Variants in SEC24B observed in about 807,000 individuals in gnomAD.
SEC24B encodes SEC24 homolog B, COPII component, also known as protein transport protein Sec24B.
In SEC24B, 45 loss-of-function variants were observed where a neutral mutation model predicts 142.8. The ratio of observed to expected loss-of-function variants is 0.32; its 90% CI spans 0.25 to 0.40. SEC24B has a LOEUF of 0.40. Among genes scored for constraint, SEC24B ranks in the 10% least tolerant of loss-of-function variants. The pLI is 1.00. For synonymous variants in SEC24B, 574 were observed against 568.2 expected, an observed-to-expected ratio of 1.01 and a Z score of -0.15; for missense variants, 1,409 against 1,526.8, an observed-to-expected ratio of 0.92 and a Z score of 1.29.
chr4:109,501,114 G>A (rs1736090221), intron 6 of SEC24B, among the ~76,000 whole-genome samples: 2 of 152,170 alleles, frequency 1.3e-5, no homozygotes, highest in African/African-American at 4.8e-5. Context: ...CATACTAGGT[G>A]TCCTATGCAA....
chr4:109,536,997 T>G (rs1311748272), intron 22 of SEC24B, among the ~76,000 whole-genome samples: 1 of 152,076 alleles, frequency 6.6e-6, no homozygotes, highest in African/African-American at 2.4e-5. Context: ...TATCTGTAAC[T>G]CATAAGACTG....
intron 6 of SEC24B, among the ~76,000 whole-genome samples, chr4:109,495,197 A>G (rs1174100776): frequency 6.6e-6 from 1 of 152,214 alleles, no homozygotes; most frequent in African/African-American, 2.4e-5. Context: ...GTTTTTAAAA[A>G]AATTTTATAT....
chr4:109,489,605 ATATATAT>A (rs1431358182), intron 4 of SEC24B, among the ~76,000 whole-genome samples: 1 of 144,970 alleles, frequency 6.9e-6, no homozygotes, highest in East Asian at 1.9e-4. Flanking sequence ...AAATAGAATT[ATATATAT>A]TATATATTAT....
At chr4:109,492,622 G>C (rs1250291871) in intron 5 of SEC24B, among the ~76,000 whole-genome samples, 1 of 152,154 alleles carries the variant, frequency 6.6e-6, no homozygotes, top group Non-Finnish European at 1.5e-5. Context: ...CAAAATTAAA[G>C]AACTACGTGA....
intron 7 of SEC24B, among the ~76,000 whole-genome samples, chr4:109,508,965 A>G (rs1455375228): frequency 6.6e-6 from 1 of 152,242 alleles, no homozygotes; most frequent in African/African-American, 2.4e-5. Context: ...ATATTCTCCG[A>G]TGAACAGTCA....
chr4:109,486,962 T>G (rs2125994108), intron 4 of SEC24B, among the ~76,000 whole-genome samples: 1 of 152,100 alleles, frequency 6.6e-6, no homozygotes, highest in South Asian at 2.1e-4. Flanking sequence ...GTCAGGAGTT[T>G]GAGACCAGCC....
At chr4:109,462,615 C>T (rs1408125453) in intron 1 of SEC24B, among the ~76,000 whole-genome samples, 1 of 152,096 alleles carries the variant, frequency 6.6e-6, no homozygotes, top group African/African-American at 2.4e-5. Flanking sequence ...CAAGACTGGG[C>T]TAACATGGAA....
intron 4 of SEC24B, among the ~76,000 whole-genome samples, chr4:109,483,142 C>T (rs1367360916): frequency 1.3e-5 from 2 of 148,592 alleles, no homozygotes; most frequent in African/African-American, 5.0e-5. Context: ...TGCAGTGGAG[C>T]GATCTCGGCT....
At chr4:109,460,043 TAAGAA>T (rs1235499017) in intron 1 of SEC24B, among the ~76,000 whole-genome samples, 1 of 152,176 alleles carries the variant, frequency 6.6e-6, no homozygotes, top group Non-Finnish European at 1.5e-5. Flanking sequence ...TAAAATAATC[TAAGAA>T]AAGTAAATTA....
At chr4:109,462,126 A>G (rs1330339709) in intron 1 of SEC24B, among the ~76,000 whole-genome samples, 2 of 152,108 alleles carry the variant, frequency 1.3e-5, no homozygotes, top group Non-Finnish European at 2.9e-5. Flanking sequence ...AGCCCAGGAG[A>G]ACAAGGCTGT....
chr4:109,447,930 C>T (rs1729635822), intron 1 of SEC24B, among the ~76,000 whole-genome samples: 1 of 152,208 alleles, frequency 6.6e-6, no homozygotes, highest in African/African-American at 2.4e-5. Context: ...CAGCTAGCTT[C>T]TGGATGCTGC....
intron 1 of SEC24B, among the ~76,000 whole-genome samples, chr4:109,453,449 C>T (rs1282381131): frequency 8.7e-6 from 1 of 114,786 alleles, no homozygotes; most frequent in Non-Finnish European, 1.9e-5. Context: ...GGCCCCCCCC[C>T]CCCCCCCCCC....
At chr4:109,484,572 T>G (rs1578866041) in intron 4 of SEC24B, among the ~76,000 whole-genome samples, 1 of 152,212 alleles carries the variant, frequency 6.6e-6, no homozygotes, top group East Asian at 1.9e-4. Flanking sequence ...ATTTGGTGGC[T>G]AGGTGCAGTG....
At chr4:109,459,449 C>G (rs1455391323) in intron 1 of SEC24B, among the ~76,000 whole-genome samples, 5 of 152,052 alleles carry the variant, frequency 3.3e-5, no homozygotes, top group Admixed American at 3.3e-4. Context: ...TTTAAAAATA[C>G]TGAATACATG....
At chr4:109,474,877 C>T (rs1180454849) in intron 3 of SEC24B, among the ~76,000 whole-genome samples, 1 of 152,132 alleles carries the variant, frequency 6.6e-6, no homozygotes, top group Non-Finnish European at 1.5e-5. Context: ...GAAGAAGCTG[C>T]CATTTATTGA....
At position 109,524,874 on chromosome 4, in the gene SEC24B, C is replaced by G. The variant is rs748708561; in HGVS notation, c.2565C>G (p.Cys855Trp). ...TTTATAAGAAACTTGCATTAGATTGCTCGGGACAGCAAACTGCAGTGGATT... is the reference window on the plus strand; with the variant it reads ...TTTATAAGAAACTTGCATTAGATTGGTCGGGACAGCAAACTGCAGTGGATT... ...TDFYKKLALD[C>W]SGQQTAVDLF... The change falls in exon 15 of 24, where the codon TGC becomes TGG. Residue 855 changes from cysteine to tryptophan, a missense_variant. By Grantham distance (215) the Cys-to-Trp change is radical. Around this residue, in one of 2 missense-constraint regions of SEC24B, gnomAD observed 700 missense variants for 853.3 expected, o/e 0.82. Coordinates refer to ENST00000265175, the MANE Select transcript of SEC24B (RefSeq NM_006323.5). 6.2e-7 allele frequency: 1 copy of G among 1,612,518 alleles called. No homozygotes were observed. The highest frequency in any genetic ancestry group is 1.1e-5 in the South Asian group (1 of 90,902).
chr4:109,539,128 A>G (rs1282103283), intron 23 of SEC24B, among the ~76,000 whole-genome samples: 1 of 151,818 alleles, frequency 6.6e-6, no homozygotes, highest in Non-Finnish European at 1.5e-5. Context: ...CGCCCAGCTA[A>G]TTTTTGTATT....
Position 109,494,679 on chromosome 4 carries a change from T to TGCTCCA in SEC24B, c.1321_1326dup (p.Pro441_Ala442dup). 6.2e-7 allele frequency: 1 copy of TGCTCCA among 1,613,880 alleles called. No individual in the cohort carries two copies. Among genetic ancestry groups the TGCTCCA allele is most frequent in the Non-Finnish European group, 8.5e-7 (1 of 1,179,726 alleles). On this transcript the variant is annotated inframe_insertion, in exon 6 of 24. Transcript: ENST00000265175. ...CCGCCCCTGAACCTGATCCTGCTTC[T>TGCTCCA]GCTCCAGCTCCAGCTTCAGCTCCAG...
chr4:109,470,564 A>G (rs560273705), intron 2 of SEC24B, among the ~76,000 whole-genome samples: 2 of 152,338 alleles, frequency 1.3e-5, no homozygotes, highest in East Asian at 3.9e-4. Context: ...CCCTTGCTGC[A>G]CACCTCCACA....
Sources: allele counts gnomAD v4.1 joint callset (sites outside exome capture counted in the v4.1 genomes callset), GRCh38; gene constraint gnomAD v4.1.1; regional missense constraint gnomAD v4.1.1; transcripts MANE v1.5; gene names NCBI Gene and HGNC (gene_info 2026-07-23, HGNC 2026-07-21).